Variants in PDLIM3 observed in about 807,000 individuals in gnomAD.
PDLIM3 encodes the protein PDZ and LIM domain 3.
Under a neutral mutation model 37.3 loss-of-function variants are expected in PDLIM3, and 36 were observed. The observed-to-expected ratio is 0.97, with a 90% CI of 0.74 to 1.28. PDLIM3 has a LOEUF of 1.28. PDLIM3 is among the 50% of genes most tolerant of loss of function. PDLIM3 has a pLI of 0.00. For missense variants in PDLIM3, 454 were observed against 485.0 expected (o/e 0.94, Z 0.60); for synonymous variants, 174 against 182.4 (o/e 0.95, Z 0.37).
chr4:185,512,942 C>G, intron 4 of PDLIM3: 1 of 985,434 alleles, frequency 1.0e-6, no homozygotes, highest in African/African-American at 1.7e-5. Context: ...GGACACAGAG[C>G]TGCCAGCATC....
chr4:185,524,269 T>C (rs1410577027), intron 2 of PDLIM3, among the ~76,000 whole-genome samples: 1 of 152,006 alleles, frequency 6.6e-6, no homozygotes, highest in Non-Finnish European at 1.5e-5. Context: ...GCATAGAGAG[T>C]GAAAGAATCT....
intron 4 of PDLIM3, among the ~76,000 whole-genome samples, chr4:185,511,021 G>A (rs2095705689): frequency 6.6e-6 from 1 of 152,210 alleles, no homozygotes. Flanking sequence ...TAGTGACTTG[G>A]CAAGGCCACT....
In PDLIM3 at chr4:185,500,819, T is replaced by G. The variant is rs538184191; in HGVS notation, c.*1475A>C. On this transcript the variant is annotated 3_prime_UTR_variant, in exon 8 of 8. Coordinates refer to ENST00000284767, the MANE Select transcript of PDLIM3 (RefSeq NM_014476.6). Reference sequence around the variant, plus strand: ...AGGTCAGGGTCAGAGTCAGTTAAGTTTGGAAGAATCCCAGAGCAATAAAAC... The same window carrying G: ...AGGTCAGGGTCAGAGTCAGTTAAGTGTGGAAGAATCCCAGAGCAATAAAAC... 6.6e-6 allele frequency: 1 copy of G among 152,338 alleles called. No homozygotes were observed. The highest frequency in any genetic ancestry group is 6.5e-5 in the Admixed American group (1 of 15,304). The allele number at this position is 152,338 out of a possible 1,614,324, so 9.4% of individuals were successfully genotyped here. A position where few individuals can be genotyped will look rare whatever the true frequency, so the allele number is the denominator to read the frequency against.
intron 1 of PDLIM3, among the ~76,000 whole-genome samples, chr4:185,535,121 T>C (rs2095751258): frequency 6.6e-6 from 1 of 152,208 alleles, no homozygotes; most frequent in Non-Finnish European, 1.5e-5. Flanking sequence ...ATGGGACACC[T>C]TTAGAGCGGA....
intron 1 of PDLIM3, among the ~76,000 whole-genome samples, chr4:185,526,104 C>T (rs1166540112): frequency 2.0e-5 from 3 of 152,238 alleles, no homozygotes; most frequent in Non-Finnish European, 4.4e-5. Context: ...GACATGAGCA[C>T]AGGCTCACCT....
intron 4 of PDLIM3, among the ~76,000 whole-genome samples, chr4:185,508,962 G>T (rs1321408027): frequency 1.3e-5 from 2 of 152,184 alleles, no homozygotes; most frequent in East Asian, 3.8e-4. Flanking sequence ...AAATTACATT[G>T]GCTGGACATC....
In PDLIM3 at chr4:185,504,431, C is replaced by T. The variant is rs560394255; in HGVS notation, c.905+44G>A. On this transcript the variant is annotated intron_variant, in intron 7 of 7. Coordinates refer to ENST00000284767, the MANE Select transcript of PDLIM3 (RefSeq NM_014476.6). This position sits in a 1 kb window ranked among gnomAD's most constrained non-coding sequence, Gnocchi z 4.7. ...TCTTAAAGGAGAAGAAATGAACTGT[C>T]GCCAAGCTGTATCGTAAATTCCAGG... 11 of 1,485,134 alleles carry T rather than the reference C, an allele frequency of 7.4e-6. No homozygotes were observed. The highest frequency in any genetic ancestry group is 4.6e-5 in the South Asian group (4 of 87,706). The allele number at this position is 1,485,134 out of a possible 1,614,324, so 92.0% of individuals were successfully genotyped here.
intron 4 of PDLIM3, chr4:185,513,891 C>T: frequency 8.5e-7 from 1 of 1,174,342 alleles, no homozygotes; most frequent in Non-Finnish European, 1.1e-6. Context: ...CTGATTCCTT[C>T]CTCCTAACCG....
rs1580232291 is a variant in PDLIM3, at chr4:185,504,018, C to T, written c.905+457G>A. 6.6e-6 allele frequency among the ~76,000 whole-genome samples: 1 copy of T among 150,494 alleles called. No homozygotes were observed. On this transcript the variant is annotated intron_variant, in intron 7 of 7. Transcript: ENST00000284767. The surrounding 1 kb of genome is among the most constrained non-coding windows in gnomAD (Gnocchi z 4.7). ...ATATTTTGTTTCAACATTTGTGTAACTTACACTGGGTAAGGATAATGTATT... is the reference window on the plus strand; with the variant it reads ...ATATTTTGTTTCAACATTTGTGTAATTTACACTGGGTAAGGATAATGTATT...
intron 2 of PDLIM3, 105 bp downstream of exon 2, chr4:185,524,915 C>T (rs941057896): frequency 9.0e-7 from 1 of 1,107,108 alleles, no homozygotes; most frequent in African/African-American, 1.5e-5. Context: ...AGCCAAAATA[C>T]TAGGTCTGTG....
chr4:185,530,348 A>C (rs1018340501), intron 1 of PDLIM3, among the ~76,000 whole-genome samples: 1 of 152,254 alleles, frequency 6.6e-6, no homozygotes, highest in African/African-American at 2.4e-5. Context: ...GTTTATGTTA[A>C]AGTCATACAC....
chr4:185,535,407 G>A lies in PDLIM3; in HGVS notation c.28C>T (p.Pro10Ser). 1 of 1,604,458 alleles carries A rather than the reference G, an allele frequency of 6.2e-7. No homozygotes were observed. Among genetic ancestry groups the A allele is most frequent in the Non-Finnish European group, 8.5e-7 (1 of 1,176,134 alleles). Residue 10 changes from proline (P) to serine (S), a missense_variant, in exon 1 of 8, where the codon CCT becomes TCT. Coordinates refer to ENST00000284767, the MANE Select transcript of PDLIM3 (RefSeq NM_014476.6). MPQTVILPG[P>S]APWGFRLSGG... is the part of the protein sequence containing the mutation. ...GAGAGCCTGAAGCCCCAGGGCGCAG[G>A]GCCCGGGAGGATCACCGTCTGGGGC...
At position 185,535,366 on chromosome 4, in the gene PDLIM3, G is replaced by A; in HGVS notation, c.69C>T (p.Phe23=). Residue 23 remains phenylalanine, a synonymous_variant, in exon 1 of 8, where the codon TTC becomes TTT. Coordinates refer to ENST00000284767, the MANE Select transcript of PDLIM3 (RefSeq NM_014476.6). ...WGFRLSGGID[F]NQPLVITRIT... ...CCCTGGTGATGACCAAAGGCTGGTT[G>A]AAGTCTATGCCCCCTGAGAGCCTGA... 6.2e-7 allele frequency: 1 copy of A among 1,608,968 alleles called. No homozygotes were observed. The highest frequency in any genetic ancestry group is 1.1e-5 in the South Asian group (1 of 90,112).
chr4:185,530,889 C>T (rs1258646141), intron 1 of PDLIM3, among the ~76,000 whole-genome samples: 2 of 151,830 alleles, frequency 1.3e-5, no homozygotes, highest in Non-Finnish European at 2.9e-5. Context: ...CCTTATTTCA[C>T]TTAATAATGG....
Position 185,504,508 on chromosome 4 carries a change from A to G in PDLIM3, c.872T>C (p.Met291Thr). The change falls in exon 7 of 8, where the codon ATG (methionine) becomes ACG (threonine). Residue 291 changes from methionine to threonine, a missense_variant. Transcript: ENST00000284767. The surrounding 1 kb of genome is among the most constrained non-coding windows in gnomAD (Gnocchi z 4.7). ...VHGGSGGAQR[M>T]PLCDKCGSGI... ...ACTCCCACATTTGTCACAGAGCGGCATCCTCTGTGCCCCGCCTGAACCGCC... is the reference window on the plus strand; with the variant it reads ...ACTCCCACATTTGTCACAGAGCGGCGTCCTCTGTGCCCCGCCTGAACCGCC... 5.6e-6 allele frequency: 9 copies of G among 1,614,076 alleles called. 1 individual carries two copies. The South Asian group carries it at 8.8e-5, about 16-fold the overall frequency.
intron 1 of PDLIM3, among the ~76,000 whole-genome samples, chr4:185,531,083 C>G (rs2095743722): frequency 6.6e-6 from 1 of 151,640 alleles, no homozygotes; most frequent in Non-Finnish European, 1.5e-5. Context: ...GGAATGTGTC[C>G]CCTGTGGATG....
At chr4:185,506,486 A>G (rs2095697495) in intron 6 of PDLIM3, 36 bp downstream of exon 6, 12 of 1,612,460 alleles carry the variant, frequency 7.4e-6, no homozygotes, top group Admixed American at 5.0e-5. Flanking sequence ...AGTGGCCTCT[A>G]TCAATACGTT....
chr4:185,509,873 G>A (rs2095703892), intron 4 of PDLIM3, among the ~76,000 whole-genome samples: 1 of 152,064 alleles, frequency 6.6e-6, no homozygotes, highest in South Asian at 2.1e-4. Context: ...CAGCAATGTT[G>A]CAGCCGGATT....
intron 1 of PDLIM3, among the ~76,000 whole-genome samples, chr4:185,528,606 G>C (rs1295706283): frequency 6.6e-6 from 1 of 152,212 alleles, no homozygotes; most frequent in African/African-American, 2.4e-5. Context: ...CTGCGGCTTT[G>C]CTGCTGAGCA....
Sources: allele counts gnomAD v4.1 joint callset (sites outside exome capture counted in the v4.1 genomes callset), GRCh38; gene constraint gnomAD v4.1.1; non-coding constraint Gnocchi (gnomAD v3.1); transcripts MANE v1.5; gene names NCBI Gene and HGNC (gene_info 2026-07-23, HGNC 2026-07-21).